PPP2R2B: variants seen among roughly 807,000 people sequenced by gnomAD.
PPP2R2B encodes the protein protein phosphatase 2 regulatory subunit Bbeta, also known as serine/threonine-protein phosphatase 2A 55 kDa regulatory subunit B beta isoform.
PPP2R2B carries 5 observed loss-of-function variants against 46.0 expected under a neutral mutation model. The observed-to-expected ratio is 0.11, with a 90% CI of 0.06 to 0.23. The LOEUF is 0.23. PPP2R2B is among the 10% of genes least tolerant of loss of function. The pLI is 1.00. For missense variants in PPP2R2B, 367 were observed against 575.0 expected (o/e 0.64, Z 3.70); for synonymous variants, 215 against 206.7 (o/e 1.04, Z -0.34).
At chr5:146,771,144 G>T (rs544164615) in intron 2 of PPP2R2B, among the ~76,000 whole-genome samples, 49 of 152,226 alleles carry the variant, frequency 3.2e-4, no homozygotes, top group African/African-American at 1.2e-3. Flanking sequence ...TTATATCTTA[G>T]ACCCAAAGCT....
At chr5:146,942,879 G>A (rs1210327591) in intron 1 of PPP2R2B, among the ~76,000 whole-genome samples, 1 of 151,450 alleles carries the variant, frequency 6.6e-6, no homozygotes, top group African/African-American at 2.4e-5. Context: ...CTCACTGCAA[G>A]CTCCACCTCC....
At chr5:146,862,998 A>G (rs548804387) in intron 2 of PPP2R2B, among the ~76,000 whole-genome samples, 12 of 152,006 alleles carry the variant, frequency 7.9e-5, no homozygotes, top group African/African-American at 2.7e-4. Flanking sequence ...GCATGTTGCC[A>G]GCTGAAGTAC....
At chr5:147,002,495 G>C (rs1384892440) in intron 1 of PPP2R2B, among the ~76,000 whole-genome samples, 1 of 152,096 alleles carries the variant, frequency 6.6e-6, no homozygotes, top group Non-Finnish European at 1.5e-5. Context: ...ATACTAACAG[G>C]AGAATGCTTA....
At chr5:146,709,309 T>C (rs1381399036) in intron 2 of PPP2R2B, among the ~76,000 whole-genome samples, 1 of 152,196 alleles carries the variant, frequency 6.6e-6, no homozygotes, top group African/African-American at 2.4e-5. Flanking sequence ...AATGTCAGTC[T>C]GACCCTGTAG....
At chr5:146,949,976 G>GT (rs1764601479) in intron 1 of PPP2R2B, among the ~76,000 whole-genome samples, 1 of 151,972 alleles carries the variant, frequency 6.6e-6, no homozygotes, top group African/African-American at 2.4e-5. Flanking sequence ...GCTGGGAAGG[G>GT]TAGTGGGGAT....
At chr5:146,866,891 C>G (rs1330584517) in intron 2 of PPP2R2B, among the ~76,000 whole-genome samples, 1 of 152,166 alleles carries the variant, frequency 6.6e-6, no homozygotes, top group Non-Finnish European at 1.5e-5. Context: ...TTCTGTAAAA[C>G]AGGCCTACAA....
chr5:146,616,279 C>G (rs905738873), intron 7 of PPP2R2B, among the ~76,000 whole-genome samples: 1 of 152,158 alleles, frequency 6.6e-6, no homozygotes, highest in Non-Finnish European at 1.5e-5. Flanking sequence ...GAGCATGAAA[C>G]TACTACAAGA....
In PPP2R2B at chr5:146,951,974, CTTTTTTTT is replaced by C. The variant is rs34746460; in HGVS notation, c.79+103683_79+103690del. Among the ~76,000 whole-genome samples, 890 of 127,528 alleles carry C rather than the reference CTTTTTTTT, an allele frequency of 7.0e-3. 9 individuals carry two copies. Among genetic ancestry groups the C allele is most frequent in the African/African-American group, 0.024 (857 of 35,138 alleles). 83.7% of individuals were successfully genotyped at this position (127,528 alleles called of 152,430 possible). A position where few individuals can be genotyped will look rare whatever the true frequency, so the allele number is the denominator to read the frequency against. On this transcript the variant is annotated intron_variant, in intron 1 of 8. Transcript: ENST00000336640. The stretch of plus-strand genomic sequence containing the variant: ...ATGGTTGAACTAATTTACATAGAAT[CTTTTTTTT>C]TTTTTTTTTTTAAAGCTCCTCAGTG...
chr5:146,839,300 C>A (rs1463132197), intron 2 of PPP2R2B, among the ~76,000 whole-genome samples: 3 of 152,184 alleles, frequency 2.0e-5, no homozygotes, highest in Non-Finnish European at 4.4e-5. Flanking sequence ...GTAGGCAGAT[C>A]ACCTGAGGTC....
chr5:146,618,416 C>T (rs576094765), intron 7 of PPP2R2B, among the ~76,000 whole-genome samples: 31 of 152,324 alleles, frequency 2.0e-4, no homozygotes, highest in Non-Finnish European at 4.0e-4. Context: ...CCACTTCTGA[C>T]TTTTGACTTC....
At chr5:146,596,795 A>G (rs1225721576) in intron 8 of PPP2R2B, among the ~76,000 whole-genome samples, 1 of 152,188 alleles carries the variant, frequency 6.6e-6, no homozygotes, top group African/African-American at 2.4e-5. Flanking sequence ...ACACTAAATA[A>G]CAGGGAGTAC....
intron 1 of PPP2R2B, among the ~76,000 whole-genome samples, chr5:146,933,826 TCC>T (rs1764048070): frequency 1.2e-5 from 1 of 82,944 alleles, no homozygotes; most frequent in Non-Finnish European, 2.3e-5. Context: ...ATGCTATCCC[TCC>T]CCCTCCCCCC....
At chr5:147,022,400 A>T (rs74525980) in intron 1 of PPP2R2B, among the ~76,000 whole-genome samples, 35 of 125,268 alleles carry the variant, frequency 2.8e-4, no homozygotes, top group African/African-American at 5.0e-4. Flanking sequence ...CTGCTAAAAT[A>T]AAAAAAAAAA....
rs1000354645 is a variant in PPP2R2B, at chr5:146,588,417, T to TAATA, written c.*1526_*1529dup. On this transcript the variant is annotated 3_prime_UTR_variant, in exon 10 of 10. Transcript: ENST00000394411. ...AATTACACTTGAAAGTCAGGACTTC[T>TAATA]AATACATCTGTAAACTGAAAGAAAA... is the stretch of plus-strand genomic sequence containing the variant. The TAATA allele has an allele frequency of 3.3e-5, 5 of 152,250 alleles. No individual in the cohort carries two copies. Among genetic ancestry groups the TAATA allele is most frequent in the Admixed American group, 6.5e-5 (1 of 15,282 alleles). 9.4% of individuals were successfully genotyped at this position (152,250 alleles called of 1,614,324 possible).
chr5:146,684,830 C>A (rs1339404475), intron 5 of PPP2R2B, among the ~76,000 whole-genome samples: 5 of 152,166 alleles, frequency 3.3e-5, no homozygotes, highest in African/African-American at 9.7e-5. Context: ...CTGGGAGGGG[C>A]CTTGTCAAAG....
upstream of PPP2R2B, chr5:147,081,453 G>A: frequency 1.6e-6 from 1 of 642,494 alleles, no homozygotes; most frequent in Non-Finnish European, 2.7e-6. Context: ...AGGACTTGCA[G>A]TCATCCCCTG....
intron 1 of PPP2R2B, among the ~76,000 whole-genome samples, chr5:146,952,198 G>A (rs184522672): frequency 6.6e-6 from 1 of 151,820 alleles, no homozygotes; most frequent in South Asian, 2.1e-4. Context: ...TTGCCCTGTT[G>A]ATTTTTTAAA....
chr5:146,933,926 G>A (rs1458745926), intron 1 of PPP2R2B, among the ~76,000 whole-genome samples: 2 of 148,474 alleles, frequency 1.3e-5, no homozygotes, highest in African/African-American at 5.0e-5. Flanking sequence ...GTGAGAACAT[G>A]CGGTGTTTGG....
intron 1 of PPP2R2B, among the ~76,000 whole-genome samples, chr5:146,939,715 AT>A (rs1764262751): frequency 6.6e-6 from 1 of 152,072 alleles, no homozygotes; most frequent in Admixed American, 6.6e-5. Flanking sequence ...GTAACAATGC[AT>A]TTGGTATTTG....
Sources: gnomAD v4.1 joint callset for allele counts (sites outside exome capture counted in the v4.1 genomes callset) on GRCh38, gnomAD v4.1.1 for gene constraint, MANE v1.5 for transcripts, NCBI Gene and HGNC (gene_info 2026-07-23, HGNC 2026-07-21) for gene names.